Variants in ABCB4 observed in about 807,000 individuals in gnomAD.
The protein encoded by ABCB4 is ATP binding cassette subfamily B member 4.
A neutral mutation model predicts 145.7 loss-of-function variants in ABCB4; 76 were observed. The observed-to-expected ratio is 0.52, with a 90% confidence interval of 0.43 to 0.63. ABCB4 has a LOEUF of 0.63. ABCB4 is among the 30% of genes least tolerant of loss of function. The pLI is 0.00. For missense variants in ABCB4, 1,234 were observed against 1,553.1 expected, an observed-to-expected ratio of 0.79 and a Z score of 3.45; for synonymous variants, 517 against 566.8, an observed-to-expected ratio of 0.91 and a Z score of 1.25.
chr7:87,467,461 C>A (rs1812995368), intron 3 of ABCB4, among the ~76,000 whole-genome samples: 1 of 151,962 alleles, frequency 6.6e-6, no homozygotes, highest in Admixed American at 6.6e-5. Context: ...ACTTTAAGAC[C>A]CCACTATCAG....
the ABCB4 span, among the ~76,000 whole-genome samples, chr7:87,388,038 C>G: frequency 1.3e-5 from 2 of 152,092 alleles, no homozygotes. Context: ...TACTGGGGAG[C>G]AGGTGGGTGT....
At chr7:87,408,561 G>C (rs1808383397) in intron 24 of ABCB4, among the ~76,000 whole-genome samples, 1 of 152,218 alleles carries the variant, frequency 6.6e-6, no homozygotes, top group East Asian at 1.9e-4. Context: ...AGACTCTAAA[G>C]GCTTGGAAAT....
At chr7:87,437,482 C>T (rs1810686226) in intron 14 of ABCB4, among the ~76,000 whole-genome samples, 1 of 152,106 alleles carries the variant, frequency 6.6e-6, no homozygotes, top group African/African-American at 2.4e-5. Flanking sequence ...AAGATAGTTT[C>T]TTACATAGCA....
the ABCB4 span, chr7:87,369,336 C>A: frequency 2.1e-6 from 3 of 1,407,956 alleles, no homozygotes; most frequent in Admixed American, 3.7e-5. Context: ...TCCTGTTTAA[C>A]CTTAGATTTG....
chr7:87,450,513 C>T (rs1200419168), intron 7 of ABCB4, among the ~76,000 whole-genome samples: 3 of 148,488 alleles, frequency 2.0e-5, no homozygotes, highest in Non-Finnish European at 3.0e-5. Flanking sequence ...CTCTGTTGCC[C>T]AGACTGGAGT....
chr7:87,391,770 G>A, the ABCB4 span: 88 of 1,549,316 alleles, frequency 5.7e-5, 2 homozygotes, highest in South Asian at 6.8e-4. Flanking sequence ...TAAAGGAACC[G>A]TGGTCTTTGA....
intron 19 of ABCB4, among the ~76,000 whole-genome samples, chr7:87,419,548 C>G (rs182870744): frequency 5.9e-5 from 9 of 152,088 alleles, no homozygotes; most frequent in Admixed American, 3.3e-4. Flanking sequence ...AAGAAATAAA[C>G]AAAACTCAAT....
rs553858190 is a variant in ABCB4, at chr7:87,425,040, GT to G, written c.2065-989del. On this transcript the variant is annotated intron_variant, in intron 16 of 27. Coordinates refer to ENST00000649586, the MANE Select transcript of ABCB4 (RefSeq NM_000443.4). ...TTACCCATTTTTTCTGTATTTCAGG[GT>G]TTTTTTTTTTCCTCCCTAGTTAACA... Among the ~76,000 whole-genome samples the G allele has an allele frequency of 2.8e-3, 415 of 145,888 alleles. 2 individuals are homozygous for G. Among genetic ancestry groups the G allele is most frequent in the African/African-American group, 7.6e-3 (303 of 40,104 alleles).
At chr7:87,403,571 C>T (rs960605989) in intron 26 of ABCB4, among the ~76,000 whole-genome samples, 2 of 152,192 alleles carry the variant, frequency 1.3e-5, no homozygotes, top group Admixed American at 6.5e-5. Context: ...TTGTCATTAT[C>T]AAGTATTATG....
chr7:87,412,068 T>C, intron 22 of ABCB4, 35 bp from the exon 23 acceptor site: 1 of 1,612,412 alleles, frequency 6.2e-7, no homozygotes, highest in Non-Finnish European at 8.5e-7. Context: ...TAACCATCTC[T>C]TCAGCCTCCT....
chr7:87,459,654 A>C (rs1196768512), intron 4 of ABCB4, among the ~76,000 whole-genome samples: 1 of 152,112 alleles, frequency 6.6e-6, no homozygotes, highest in African/African-American at 2.4e-5. Context: ...AAGCGAGAAT[A>C]CAGGGAGACA....
At position 87,413,701 on chromosome 7, in the gene ABCB4, A is replaced by G. The variant is rs1562955080; in HGVS notation, c.2699T>C (p.Ile900Thr). 1 of 1,611,062 alleles carries G rather than the reference A, an allele frequency of 6.2e-7. No homozygotes were observed. Among genetic ancestry groups the G allele is most frequent in the African/African-American group, 1.3e-5 (1 of 74,988 alleles). The change falls in exon 22 of 28, where the codon ATA (isoleucine) becomes ACA (threonine). Residue 900 changes from isoleucine (I) to threonine (T), a missense_variant. Coordinates refer to ENST00000649586, the MANE Select transcript of ABCB4 (RefSeq NM_000443.4). ...EAAGKIATEA[I>T]ENIRTVVSLT... ...AGACACAACTGTCCTAATATTTTCT[A>G]TTGCCTCTGTTGCAATCTGTAACAC...
At chr7:87,376,107 A>G in the ABCB4 span, among the ~76,000 whole-genome samples, 13 of 152,078 alleles carry the variant, frequency 8.5e-5, no homozygotes, top group Admixed American at 8.5e-4. Flanking sequence ...GAAGCTTATA[A>G]AGTAGATAGT....
chr7:87,390,595 C>G, the ABCB4 span, among the ~76,000 whole-genome samples: 1 of 152,188 alleles, frequency 6.6e-6, no homozygotes, highest in Non-Finnish European at 1.5e-5. Context: ...ACTTTTCACT[C>G]TCACTTTATT....
chr7:87,444,850 T>C lies in ABCB4; in HGVS notation c.1119+12A>G. The C allele has an allele frequency of 6.3e-7, 1 of 1,588,674 alleles. No individual in the cohort carries two copies. Among genetic ancestry groups the C allele is most frequent in the East Asian group, 2.2e-5 (1 of 44,568 alleles). ...AAGACTTCTTTTGGCACTAAAATAATAAATGACTTACATTATCAATAATAT... is the reference window on the plus strand; with the variant it reads ...AAGACTTCTTTTGGCACTAAAATAACAAATGACTTACATTATCAATAATAT... On this transcript the variant is annotated intron_variant, in intron 10 of 27. Transcript: ENST00000649586.
chr7:87,475,249 T>A lies in ABCB4; in HGVS notation c.80+137A>T, dbSNP rs45615437. The A allele has an allele frequency of 2.1e-3, 2,064 of 995,526 alleles. 35 individuals are homozygous for A. The African/African-American group carries it at 0.029, about 14-fold the overall frequency. 61.7% of individuals were successfully genotyped at this position (995,526 alleles called of 1,614,324 possible). On this transcript the variant is annotated intron_variant, in intron 2 of 27. Transcript: ENST00000649586. Reference sequence around the variant, plus strand: ...CGTTTGCTCCAAGGTCAGAACCGGATGCAAGACCCTTCAAAGAAGCCTCCA... The same window carrying A: ...CGTTTGCTCCAAGGTCAGAACCGGAAGCAAGACCCTTCAAAGAAGCCTCCA...
chr7:87,417,620 T>C, intron 20 of ABCB4, 105 bp from the exon 21 acceptor site: 1 of 869,188 alleles, frequency 1.2e-6, no homozygotes, highest in Admixed American at 1.9e-5. Context: ...ATGCCTGAGC[T>C]ACATTGGCTT....
intron 2 of ABCB4, among the ~76,000 whole-genome samples, chr7:87,473,680 A>T (rs1394157846): frequency 6.6e-6 from 1 of 152,046 alleles, no homozygotes; most frequent in Non-Finnish European, 1.5e-5. Flanking sequence ...TAGTATGTAC[A>T]TTATTTATGT....
In ABCB4 at chr7:87,472,664, CT is replaced by C; in HGVS notation, c.91del (p.Arg31GlyfsTer7). ...CATTTTCACTGTCTTCGTTTTTTTC[CT>C]TTTTTGTTTGCTGTAAAAAATAGAA... ...FELGISSKQK[R>X]KKTKTVKMIG... On this transcript the variant is annotated frameshift_variant, in exon 3 of 28. Transcript: ENST00000649586. LOFTEE classifies it high-confidence loss of function. The C allele has an allele frequency of 6.2e-7, 1 of 1,606,318 alleles. No individual in the cohort carries two copies. Among genetic ancestry groups the C allele is most frequent in the Non-Finnish European group, 8.5e-7 (1 of 1,173,544 alleles).
Sources: allele counts gnomAD v4.1 joint callset (sites outside exome capture counted in the v4.1 genomes callset), GRCh38; gene constraint gnomAD v4.1.1; transcripts MANE v1.5; gene names NCBI Gene and HGNC (gene_info 2026-07-23, HGNC 2026-07-21).